The following CACNB1 variants were observed in gnomAD, a reference collection of about 807,000 sequenced individuals.
CACNB1 encodes the protein voltage-dependent L-type calcium channel subunit beta-1.
Under a neutral mutation model 71.6 loss-of-function variants are expected in CACNB1, and 29 were observed. The observed-to-expected ratio is 0.40, with a 90% CI of 0.30 to 0.55. The LOEUF (loss-of-function observed/expected upper bound fraction) is 0.55. Ranked by LOEUF, CACNB1 falls within the 20% of genes least tolerant of loss-of-function variation. The probability of loss-of-function intolerance (pLI) is 0.38; values close to 1 mark genes in which losing one functional copy is unlikely to be tolerated. For synonymous variants in CACNB1, 300 were observed against 319.6 expected (o/e 0.94, Z 0.65); for missense variants, 623 against 801.8 (o/e 0.78, Z 2.69).
At chr17:39,187,735 A>C (rs1189203987) in intron 3 of CACNB1, 134 bp from the exon 4 acceptor site, 3 of 1,067,346 alleles carry the variant, frequency 2.8e-6, no homozygotes, top group Non-Finnish European at 4.2e-6. Flanking sequence ...GGACATGGGC[A>C]GGGTGTGGTG....
intron 11 of CACNB1, among the ~76,000 whole-genome samples, chr17:39,179,899 ACT>A (rs1015947608): frequency 2.0e-5 from 3 of 148,680 alleles, no homozygotes; most frequent in Non-Finnish European, 4.5e-5. Flanking sequence ...ACAGAACAAG[ACT>A]CTGTCTAAAA....
At position 39,186,859 on chromosome 17, in the gene CACNB1, G is replaced by A; in HGVS notation, c.485C>T (p.Pro162Leu). 6.2e-7 allele frequency: 1 copy of A among 1,614,118 alleles called. No homozygotes were observed. Among genetic ancestry groups the A allele is most frequent in the Non-Finnish European group, 8.5e-7 (1 of 1,179,988 alleles). ...CAGGCGAAGGCTGTCCAGTTTGACGGGGCTGGGAATGAAGCCAACCTCACA... is the reference window on the plus strand; with the variant it reads ...CAGGCGAAGGCTGTCCAGTTTGACGAGGCTGGGAATGAAGCCAACCTCACA... ...EGCEVGFIPS[P>L]VKLDSLRLLQ... The change falls in exon 5 of 14, where the codon CCC becomes CTC. Residue 162 changes from proline to leucine, a missense_variant. Coordinates refer to ENST00000394303, the MANE Select transcript of CACNB1 (RefSeq NM_000723.5). The surrounding 1 kb of genome is among the most constrained non-coding windows in gnomAD (Gnocchi z 4.1).
chr17:39,185,937 C>T, intron 6 of CACNB1: 1 of 1,609,060 alleles, frequency 6.2e-7, no homozygotes, highest in Non-Finnish European at 8.5e-7. Context: ...TGCAAGAACA[C>T]AGCGAGAATT....
chr17:39,177,286 G>A (rs1193588221), intron 13 of CACNB1, 64 bp downstream of exon 13: 2 of 1,609,572 alleles, frequency 1.2e-6, no homozygotes, highest in Admixed American at 1.7e-5. Flanking sequence ...ACACTGCCCC[G>A]CTGTGAGGAC....
chr17:39,197,346 C>T, intron 1 of CACNB1, 66 bp downstream of exon 1: 3 of 1,127,978 alleles, frequency 2.7e-6, no homozygotes, highest in East Asian at 3.2e-5. Context: ...CCGCGCCTCT[C>T]GAGCCGACCT....
intron 11 of CACNB1, among the ~76,000 whole-genome samples, chr17:39,182,663 C>T (rs187699817): frequency 1.3e-5 from 2 of 151,522 alleles, no homozygotes; most frequent in Non-Finnish European, 2.9e-5. Context: ...GATCGCGCCA[C>T]TGCACTCCAG....
chr17:39,182,496 C>T lies in CACNB1; in HGVS notation c.1050+1217G>A, dbSNP rs560337648. Among the ~76,000 whole-genome samples the T allele has an allele frequency of 1.5e-4, 23 of 149,826 alleles. No individual in the cohort carries two copies. In the South Asian group the frequency reaches 2.2e-3, roughly 14 times the overall value. On this transcript the variant is annotated intron_variant, in intron 11 of 13. Coordinates refer to ENST00000394303, the MANE Select transcript of CACNB1 (RefSeq NM_000723.5). ...TGGGCAGATCACGAGGTCAGGAGAT[C>T]GAGACCATCCTGGCCAACATGGTGA...
rs151101328 is a variant in CACNB1 at position 39,191,526 on chromosome 17, G to C, written c.239C>G (p.Ala80Gly). The C allele has an allele frequency of 4.1e-4, 662 of 1,610,222 alleles. No homozygotes were observed. The highest frequency in any genetic ancestry group is 4.9e-4 in the Non-Finnish European group (582 of 1,178,868). ...CTGGCGCTCTGCTTCCTTCCTTAAG[G>C]CTTCCCGGTCCTCCTCCAGAGATAC... ...SDVSLEEDRE[A>G]LRKEAERQAL... Residue 80 changes from alanine (A) to glycine (G), a missense_variant, in exon 3 of 14, where the codon GCC becomes GGC. By Grantham distance (60) the Ala-to-Gly change is moderately conservative (BLOSUM62 0). Coordinates refer to ENST00000394303, the MANE Select transcript of CACNB1 (RefSeq NM_000723.5).
At chr17:39,178,245 C>A in intron 11 of CACNB1, 166 bp from the exon 12 acceptor site, 1 of 609,924 alleles carries the variant, frequency 1.6e-6, no homozygotes, top group Non-Finnish European at 3.0e-6. Flanking sequence ...ACCTCAGCAG[C>A]CCTGTGTCTA....
intron 2 of CACNB1, chr17:39,193,652 G>C (rs1162671005): frequency 3.7e-6 from 1 of 268,610 alleles, no homozygotes; most frequent in Non-Finnish European, 7.5e-6. Context: ...ACCTACCGGG[G>C]ATCAGAGCTG....
At position 39,183,974 on chromosome 17, in the gene CACNB1, C is replaced by T. The variant is rs2045859805; in HGVS notation, c.898+57G>A. On this transcript the variant is annotated intron_variant, in intron 10 of 13. Coordinates refer to ENST00000394303, the MANE Select transcript of CACNB1 (RefSeq NM_000723.5). The stretch of plus-strand genomic sequence containing the variant: ...CCTGCCCACTACCTCCCACACCTCC[C>T]ACCCCTCCCACATCCGGCCCAGAAA... 6.5e-6 allele frequency: 10 copies of T among 1,540,758 alleles called. 1 individual carries two copies. The Admixed American group carries it at 1.5e-4, about 23-fold the overall frequency.
chr17:39,195,198 C>G, intron 1 of CACNB1: 1 of 438,558 alleles, frequency 2.3e-6, no homozygotes, highest in Non-Finnish European at 4.0e-6. Context: ...TGCAAGAGAG[C>G]CCCAGAAGAC....
intron 3 of CACNB1, among the ~76,000 whole-genome samples, chr17:39,189,317 C>G (rs992810320): frequency 3.3e-5 from 5 of 151,240 alleles, no homozygotes; most frequent in Admixed American, 3.3e-4. Context: ...AAGCCAAGAT[C>G]GTGCCATTGC....
intron 11 of CACNB1, 25 bp downstream of exon 11, chr17:39,183,688 G>C: frequency 6.4e-7 from 1 of 1,553,730 alleles, no homozygotes; most frequent in Non-Finnish European, 8.7e-7. Context: ...CGCTGTCCTG[G>C]CCAGGGTCAG....
chr17:39,191,824 T>G, intron 2 of CACNB1: 1 of 518,014 alleles, frequency 1.9e-6, no homozygotes, highest in Non-Finnish European at 3.3e-6. Context: ...AAGCAGGAGA[T>G]GAAGGCAGGC....
chr17:39,183,230 G>A (rs1179835951), intron 11 of CACNB1, among the ~76,000 whole-genome samples: 2 of 152,132 alleles, frequency 1.3e-5, no homozygotes, highest in Non-Finnish European at 2.9e-5. Context: ...TACGTGGGAG[G>A]CCGAGGTGGG....
At position 39,175,892 on chromosome 17, in the gene CACNB1, ACATATGAACT is replaced by A. The variant is rs1402018781; in HGVS notation, c.1333-245_1333-236del. Among the ~76,000 whole-genome samples the A allele has an allele frequency of 6.6e-6, 1 of 152,096 alleles. No homozygotes were observed. The highest frequency in any genetic ancestry group is 1.5e-5 in the Non-Finnish European group (1 of 68,018). ...CACCCGACCTTCAACAGATGTGAGG[ACATATGAACT>A]CTCAGGGCAACTATGGCCAACAGCC... On this transcript the variant is annotated intron_variant, in intron 13 of 13. Coordinates refer to ENST00000394303, the MANE Select transcript of CACNB1 (RefSeq NM_000723.5). The surrounding 1 kb of genome is among the most constrained non-coding windows in gnomAD (Gnocchi z 4.7).
At chr17:39,178,895 C>G (rs573282338) in intron 11 of CACNB1, among the ~76,000 whole-genome samples, 4 of 152,134 alleles carry the variant, frequency 2.6e-5, no homozygotes, top group African/African-American at 9.7e-5. Context: ...ATCACACAAA[C>G]GCACACTGAG....
At chr17:39,182,221 G>A (rs1376557060) in intron 11 of CACNB1, among the ~76,000 whole-genome samples, 8 of 150,974 alleles carry the variant, frequency 5.3e-5, no homozygotes, top group South Asian at 2.1e-4. Flanking sequence ...CCAGCTACTC[G>A]GGAGACTGAG....
Sources: gnomAD v4.1 joint callset for allele counts (sites outside exome capture counted in the v4.1 genomes callset) on GRCh38, gnomAD v4.1.1 for gene constraint, Gnocchi (gnomAD v3.1) non-coding constraint, MANE v1.5 for transcripts, NCBI Gene and HGNC (gene_info 2026-07-23, HGNC 2026-07-21) for gene names.